CDH13: variants seen among roughly 807,000 people sequenced by gnomAD.
CDH13 encodes cadherin-13.
Under a neutral mutation model 63.8 loss-of-function variants are expected in CDH13, and 24 were observed. That is an observed-to-expected ratio of 0.38 (90% CI 0.27 to 0.53). The LOEUF (loss-of-function observed/expected upper bound fraction) is 0.53, where lower values mean the gene tolerates loss of function less well. CDH13 is among the 20% of genes least tolerant of loss of function. The probability of loss-of-function intolerance (pLI) is 0.85; values close to 1 mark genes in which losing one functional copy is unlikely to be tolerated. For synonymous variants in CDH13, 503 were observed against 355.3 expected, an observed-to-expected ratio of 1.42 and a Z score of -4.67; for missense variants, 1,049 against 903.1, an observed-to-expected ratio of 1.16 and a Z score of -2.07.
At chr16:82,797,112 G>T (rs903347676) in intron 1 of CDH13, among the ~76,000 whole-genome samples, 4 of 152,176 alleles carry the variant, frequency 2.6e-5, no homozygotes, top group Admixed American at 2.6e-4. Context: ...GCAAAGTCTA[G>T]ATGAAATGAG....
chr16:83,678,673 C>G (rs2150871163), intron 10 of CDH13, among the ~76,000 whole-genome samples: 1 of 152,272 alleles, frequency 6.6e-6, no homozygotes, highest in Non-Finnish European at 1.5e-5. Flanking sequence ...CCACCTGATT[C>G]CAGCCTGGGA....
At chr16:82,689,981 C>CCAAAAAAAAAAAAAAAAAA (rs1915472581) in intron 1 of CDH13, among the ~76,000 whole-genome samples, 3 of 6,484 alleles carry the variant, frequency 4.6e-4, no homozygotes, top group African/African-American at 1.5e-3. Context: ...GCCATCTCTA[C>CCAAAAAAAAAAAAAAAAAA]TAAAAAAAAA....
rs576368626 is a variant in CDH13 at position 83,353,876 on chromosome 16, AT to A, written c.781+8876del. On this transcript the variant is annotated intron_variant, in intron 6 of 13. Transcript: ENST00000567109. Reference sequence around the variant, plus strand: ...AAACGCTTAATAGCCCTGCCCACTAATTTTTTGGATATGATATTTTAGGCCC... The same window carrying A: ...AAACGCTTAATAGCCCTGCCCACTAATTTTTGGATATGATATTTTAGGCCC... Among the ~76,000 whole-genome samples, 425 of 152,328 alleles carry A rather than the reference AT, an allele frequency of 2.8e-3. 3 individuals carry two copies. The highest frequency in any genetic ancestry group is 5.3e-3 in the Non-Finnish European group (362 of 68,032).
At chr16:83,474,326 G>T (rs1011478026) in intron 6 of CDH13, among the ~76,000 whole-genome samples, 2 of 152,288 alleles carry the variant, frequency 1.3e-5, no homozygotes, top group African/African-American at 4.8e-5. Context: ...CTGTAAGGTT[G>T]TGTATGTTGC....
At chr16:82,991,808 C>T (rs1911689442) in intron 2 of CDH13, among the ~76,000 whole-genome samples, 1 of 151,684 alleles carries the variant, frequency 6.6e-6, no homozygotes, top group Non-Finnish European at 1.5e-5. Flanking sequence ...TAGCCTTGAA[C>T]ATAGTTGAGG....
At chr16:83,103,996 C>G (rs1045313862) in intron 3 of CDH13, among the ~76,000 whole-genome samples, 1 of 152,146 alleles carries the variant, frequency 6.6e-6, no homozygotes, top group Non-Finnish European at 1.5e-5. Context: ...CTCTTGGTCC[C>G]ATAATAGTTT....
chr16:82,842,660 G>A (rs1196475961), intron 1 of CDH13, among the ~76,000 whole-genome samples: 1 of 152,042 alleles, frequency 6.6e-6, no homozygotes, highest in African/African-American at 2.4e-5. Context: ...TGGGGGAGGG[G>A]AGGATTTGGG....
chr16:83,758,399 T>A (rs980046347), intron 11 of CDH13, among the ~76,000 whole-genome samples: 6 of 152,170 alleles, frequency 3.9e-5, no homozygotes, highest in African/African-American at 1.4e-4. Flanking sequence ...AAATTCATGT[T>A]GATTTCTGAT....
chr16:83,486,364 T>C (rs995819590), intron 6 of CDH13, 113 bp from the exon 7 acceptor site: 10 of 736,412 alleles, frequency 1.4e-5, no homozygotes, highest in Admixed American at 9.2e-5. Context: ...TCTTTTTTAA[T>C]TTGGAAAGTG....
chr16:83,031,228 GTATACAC>G, intron 2 of CDH13, among the ~76,000 whole-genome samples: 2 of 146,778 alleles, frequency 1.4e-5, no homozygotes, highest in African/African-American at 5.0e-5. Flanking sequence ...ACATGCGCAT[GTATACAC>G]CATATACATG....
At chr16:83,008,194 A>G (rs541088411) in intron 2 of CDH13, among the ~76,000 whole-genome samples, 1 of 152,356 alleles carries the variant, frequency 6.6e-6, no homozygotes, top group African/African-American at 2.4e-5. Context: ...AAAACATACT[A>G]TGGGATACGT....
chr16:83,017,325 C>G (rs749952229), intron 2 of CDH13, among the ~76,000 whole-genome samples: 9 of 151,898 alleles, frequency 5.9e-5, no homozygotes, highest in Non-Finnish European at 1.3e-4. Context: ...ATTTTGACAC[C>G]TTTTTTAGCT....
chr16:82,942,662 G>A (rs1019824241), intron 2 of CDH13, among the ~76,000 whole-genome samples: 10 of 152,100 alleles, frequency 6.6e-5, no homozygotes, highest in African/African-American at 2.4e-4. Flanking sequence ...CACTGGCCTG[G>A]AATAGATAAC....
At chr16:83,479,959 A>C (rs1358198838) in intron 6 of CDH13, among the ~76,000 whole-genome samples, 2 of 152,202 alleles carry the variant, frequency 1.3e-5, no homozygotes, top group African/African-American at 4.8e-5. Flanking sequence ...GTTAATGGAA[A>C]CACAAGAGGC....
At chr16:83,234,040 C>T (rs1464441925) in intron 5 of CDH13, among the ~76,000 whole-genome samples, 3 of 152,170 alleles carry the variant, frequency 2.0e-5, no homozygotes, top group Non-Finnish European at 4.4e-5. Context: ...AGCACAGTGT[C>T]CAAGGGGTTC....
chr16:82,717,992 C>T (rs1351909792), intron 1 of CDH13, among the ~76,000 whole-genome samples: 1 of 152,178 alleles, frequency 6.6e-6, no homozygotes, highest in Non-Finnish European at 1.5e-5. Context: ...TCTGTGTGTG[C>T]AGGGATGCTG....
chr16:83,089,550 G>A (rs1278056587), intron 3 of CDH13, among the ~76,000 whole-genome samples: 1 of 152,240 alleles, frequency 6.6e-6, no homozygotes, highest in African/African-American at 2.4e-5. Flanking sequence ...GAGTCCTGCA[G>A]TTTCAGCAAT....
At chr16:82,914,622 A>G (rs1003379976) in intron 2 of CDH13, among the ~76,000 whole-genome samples, 1 of 152,172 alleles carries the variant, frequency 6.6e-6, no homozygotes, top group East Asian at 1.9e-4. Context: ...AGTTATGATG[A>G]TCTTTTAAGG....
At chr16:83,599,021 T>C (rs1179691575) in intron 7 of CDH13, among the ~76,000 whole-genome samples, 1 of 152,230 alleles carries the variant, frequency 6.6e-6, no homozygotes, top group African/African-American at 2.4e-5. Context: ...CTGAACCATA[T>C]GACCATCCCT....
Sources: allele counts gnomAD v4.1 joint callset (sites outside exome capture counted in the v4.1 genomes callset), GRCh38; gene constraint gnomAD v4.1.1; transcripts MANE v1.5; gene names NCBI Gene and HGNC (gene_info 2026-07-23, HGNC 2026-07-21).